Variants in UBR4 observed in about 807,000 individuals in gnomAD.
UBR4 encodes ubiquitin protein ligase E3 component n-recognin 4, also known as E3 ubiquitin-protein ligase UBR4.
UBR4 carries 124 observed loss-of-function variants against 575.6 expected under a neutral mutation model. The observed-to-expected ratio is 0.22, with a 90% CI of 0.19 to 0.25. UBR4 has a LOEUF of 0.25. UBR4 is among the 10% of genes least tolerant of loss of function. The pLI is 1.00. For missense variants in UBR4, 4,818 were observed against 6,478.8 expected, an observed-to-expected ratio of 0.74 and a Z score of 8.80; for synonymous variants, 2,455 against 2,473.7, an observed-to-expected ratio of 0.99 and a Z score of 0.22.
chr1:19,086,535 G>T, intron 100 of UBR4, 144 bp downstream of exon 100: 1 of 1,269,664 alleles, frequency 7.9e-7, no homozygotes, highest in Non-Finnish European at 1.1e-6. Flanking sequence ...ATAACTGCTT[G>T]GGGACCTATA....
intron 26 of UBR4, 86 bp from the exon 27 acceptor site, chr1:19,169,618 A>G (rs1403629737): frequency 9.2e-7 from 1 of 1,092,280 alleles, no homozygotes; most frequent in Non-Finnish European, 1.3e-6. Context: ...AAATGCAGAA[A>G]GAAACAGTAC....
At chr1:19,188,447 A>T (rs1206448326) in intron 11 of UBR4, among the ~76,000 whole-genome samples, 1 of 152,146 alleles carries the variant, frequency 6.6e-6, no homozygotes, top group East Asian at 1.9e-4. Context: ...CCAGCTACCC[A>T]ACAGGCCGGG....
intron 22 of UBR4, 99 bp from the exon 23 acceptor site, chr1:19,173,720 T>G: frequency 8.8e-7 from 1 of 1,142,724 alleles, no homozygotes; most frequent in Non-Finnish European, 1.2e-6. Flanking sequence ...AAACCAGAAC[T>G]GTATAGAGTC....
At chr1:19,105,277 CTA>C (rs2079060977) in intron 84 of UBR4, 88 bp from the exon 85 acceptor site, 1 of 1,449,642 alleles carries the variant, frequency 6.9e-7, no homozygotes, top group Admixed American at 2.2e-5. Flanking sequence ...CCAATCTTTC[CTA>C]TCTTCTGCTG....
intron 65 of UBR4, among the ~76,000 whole-genome samples, chr1:19,124,070 T>C (rs1022519296): frequency 1.7e-4 from 26 of 152,166 alleles, no homozygotes; most frequent in Admixed American, 1.6e-3. Context: ...GTTCTAATCA[T>C]CAGCTTCTCT....
intron 15 of UBR4, 76 bp from the exon 16 acceptor site, chr1:19,184,251 G>A: frequency 6.8e-7 from 1 of 1,478,110 alleles, no homozygotes; most frequent in Non-Finnish European, 9.1e-7. Flanking sequence ...ATTACAAATA[G>A]AAAATAAAAT....
chr1:19,079,667 G>A (rs1290561777), intron 103 of UBR4: 2 of 152,336 alleles, frequency 1.3e-5, no homozygotes, highest in Non-Finnish European at 2.9e-5. Flanking sequence ...CCAGCATCAG[G>A]ATGATATCTC....
Position 19,093,034 on chromosome 1 carries a change from G to T in UBR4, c.14112-116C>A. The T allele has an allele frequency of 1.0e-6, 1 of 980,454 alleles. No individual in the cohort carries two copies. The highest frequency in any genetic ancestry group is 1.5e-6 in the Non-Finnish European group (1 of 652,300). 60.7% of individuals were successfully genotyped at this position (980,454 alleles called of 1,614,324 possible). ...GGCATGATTAACCGTGACCCTCTCC[G>T]AGTGTCATAAAGAATCACATAGAAC... On this transcript the variant is annotated intron_variant, in intron 96 of 105. Coordinates refer to ENST00000375254, the MANE Select transcript of UBR4 (RefSeq NM_020765.3). This position sits in a 1 kb window ranked among gnomAD's most constrained non-coding sequence, Gnocchi z 4.8.
In UBR4 at chr1:19,076,767, T is replaced by C. The variant is rs2075985168; in HGVS notation, c.15460A>G (p.Thr5154Ala). 1 of 1,613,938 alleles carries C rather than the reference T, an allele frequency of 6.2e-7. No homozygotes were observed. Among genetic ancestry groups the C allele is most frequent in the African/African-American group, 1.3e-5 (1 of 74,874 alleles). The change falls in exon 105 of 106, where the codon ACC becomes GCC. Residue 5154 changes from threonine (T) to alanine (A), a missense_variant. By Grantham distance (58) the Thr-to-Ala change is moderately conservative (BLOSUM62 0). Around this residue, in one of 29 missense-constraint regions of UBR4, gnomAD observed 212 missense variants for 221.3 expected, o/e 0.96. Transcript: ENST00000375254. ...TFQEEFMPVE[T>A]FSEFLDVAGL... is the part of the protein sequence containing the mutation. ...GCCACATCGAGGAACTCTGAGAAGG[T>C]CTCCACTGGCATGAACTCCTCCTGG... is the stretch of plus-strand genomic sequence containing the variant.
chr1:19,203,986 C>CT (rs1483366911), intron 1 of UBR4, among the ~76,000 whole-genome samples: 2 of 152,164 alleles, frequency 1.3e-5, no homozygotes, highest in South Asian at 2.1e-4. Flanking sequence ...TTAGTTTTTC[C>CT]TTTACTTCCA....
Position 19,141,512 on chromosome 1 carries a change from C to T in UBR4, c.8323G>A (p.Val2775Ile). The T allele has an allele frequency of 6.2e-7, 1 of 1,608,126 alleles. No homozygotes were observed. Among genetic ancestry groups the T allele is most frequent in the Non-Finnish European group, 8.5e-7 (1 of 1,177,052 alleles). The change falls in exon 57 of 106, where the codon GTC (valine) becomes ATC (isoleucine). Residue 2775 changes from valine to isoleucine, a missense_variant. By Grantham distance (29) the Val-to-Ile change is conservative. Transcript: ENST00000375254. ...TTGACATTTTCAGCTGTCTCCAGGACCATCGACTCAGACTGCAGAGAGAAA... is the reference window on the plus strand; with the variant it reads ...TTGACATTTTCAGCTGTCTCCAGGATCATCGACTCAGACTGCAGAGAGAAA... ...GDFEMVSESM[V>I]LETAENVNNG...
At chr1:19,160,608 T>C (rs372560849) in intron 38 of UBR4, among the ~76,000 whole-genome samples, 3 of 152,118 alleles carry the variant, frequency 2.0e-5, no homozygotes, top group Non-Finnish European at 2.9e-5. Context: ...CATGGGAAAA[T>C]TGAGAATATA....
At chr1:19,168,625 C>T (rs1209653555) in intron 27 of UBR4, among the ~76,000 whole-genome samples, 2 of 152,018 alleles carry the variant, frequency 1.3e-5, no homozygotes, top group East Asian at 3.9e-4. Flanking sequence ...AGCAAATAAT[C>T]TGTTAATAGA....
intron 91 of UBR4, 129 bp downstream of exon 91, chr1:19,097,064 G>A: frequency 2.9e-6 from 2 of 688,286 alleles, no homozygotes; most frequent in Non-Finnish European, 4.4e-6. Context: ...CTCAATTGAA[G>A]AAACAATCTC....
intron 17 of UBR4, among the ~76,000 whole-genome samples, chr1:19,179,814 A>G (rs2090688073): frequency 6.6e-6 from 1 of 152,178 alleles, no homozygotes; most frequent in Non-Finnish European, 1.5e-5. Flanking sequence ...ACACACACAC[A>G]CACACTGAGC....
chr1:19,160,894 TAGG>T lies in UBR4; in HGVS notation c.5406+20_5406+22del, dbSNP rs2087240797. 1 of 1,610,056 alleles carries T rather than the reference TAGG, an allele frequency of 6.2e-7. No homozygotes were observed. The highest frequency in any genetic ancestry group is 8.5e-7 in the Non-Finnish European group (1 of 1,176,592). ...CAGGCTCTGAACTCTGTCTGCTTAC[TAGG>T]GAGCATCAGTCAGCCCCACCTGGTT... is the stretch of plus-strand genomic sequence containing the variant. On this transcript the variant is annotated intron_variant, in intron 38 of 105. Coordinates refer to ENST00000375254, the MANE Select transcript of UBR4 (RefSeq NM_020765.3).
At position 19,170,738 on chromosome 1, in the gene UBR4, T is replaced by C. The variant is rs138772196; in HGVS notation, c.3643+24A>G. The C allele has an allele frequency of 5.9e-4, 947 of 1,614,146 alleles. No homozygotes were observed. Among genetic ancestry groups the C allele is most frequent in the Non-Finnish European group, 7.1e-4 (837 of 1,179,992 alleles). ...GTAGTAGCTGTTGTAATAATATTAC[T>C]CAAAAGCACATTTGTTCTCTTACCC... On this transcript the variant is annotated intron_variant, in intron 26 of 105. Coordinates refer to ENST00000375254, the MANE Select transcript of UBR4 (RefSeq NM_020765.3).
At chr1:19,115,193 GCACATGCACA>G (rs1423198515) in intron 74 of UBR4, among the ~76,000 whole-genome samples, 195 bp downstream of exon 74, 13 of 73,704 alleles carry the variant, frequency 1.8e-4, no homozygotes, top group East Asian at 7.0e-4. Context: ...ACACTCGTGT[GCACATGCACA>G]CACACACACA....
chr1:19,143,239 G>GA (rs1432634852), intron 55 of UBR4, among the ~76,000 whole-genome samples: 1 of 127,090 alleles, frequency 7.9e-6, no homozygotes, highest in Non-Finnish European at 1.6e-5. Context: ...AGGAAGGCAG[G>GA]AAGGAAGGAA....
Sources: allele counts gnomAD v4.1 joint callset (sites outside exome capture counted in the v4.1 genomes callset), GRCh38; gene constraint gnomAD v4.1.1; regional missense constraint gnomAD v4.1.1; non-coding constraint Gnocchi (gnomAD v3.1); transcripts MANE v1.5; gene names NCBI Gene and HGNC (gene_info 2026-07-23, HGNC 2026-07-21).